Variants in PDE12 observed in about 807,000 individuals in gnomAD.
PDE12 encodes phosphodiesterase 12.
PDE12 carries 26 observed loss-of-function variants against 45.4 expected under a neutral mutation model. The ratio of observed to expected loss-of-function variants is 0.57; its 90% CI spans 0.42 to 0.79. The LOEUF (loss-of-function observed/expected upper bound fraction) is 0.79, where lower values mean the gene tolerates loss of function less well. PDE12 is among the 30% of genes least tolerant of loss of function. The probability of loss-of-function intolerance (pLI) is 0.00; values close to 1 mark genes in which losing one functional copy is unlikely to be tolerated. For synonymous variants in PDE12, 283 were observed against 323.9 expected (o/e 0.87, Z 1.36); for missense variants, 668 against 790.0 (o/e 0.85, Z 1.85).
In PDE12 at chr3:57,560,081, T is replaced by C. The variant is rs2069711575; in HGVS notation, c.*77T>C. 1.3e-6 allele frequency: 2 copies of C among 1,509,728 alleles called. No homozygotes were observed. Among genetic ancestry groups the C allele is most frequent in the Admixed American group, 4.4e-5 (2 of 45,434 alleles). 93.5% of individuals were successfully genotyped at this position (1,509,728 alleles called of 1,614,324 possible). On this transcript the variant is annotated 3_prime_UTR_variant, in exon 3 of 3. Transcript: ENST00000311180. ...AAAATTTAATATGAATCAAAGCTTA[T>C]ATGTAAACTTCAAGGAGGAATGGTA... is the stretch of plus-strand genomic sequence containing the variant.
At chr3:57,608,743 C>A in the PDE12 span, among the ~76,000 whole-genome samples, 2 of 152,060 alleles carry the variant, frequency 1.3e-5, no homozygotes, top group African/African-American at 4.8e-5. Flanking sequence ...TAAAGCAAGT[C>A]CTTAGAGACC....
chr3:57,584,058 A>C, the PDE12 span: 1 of 1,252,374 alleles, frequency 8.0e-7, no homozygotes, highest in Non-Finnish European at 1.1e-6. Context: ...AAGAAAATAA[A>C]ACCTTTTATT....
the PDE12 span, among the ~76,000 whole-genome samples, chr3:57,578,500 T>C: frequency 4.2e-5 from 6 of 141,512 alleles, no homozygotes; most frequent in Non-Finnish European, 9.6e-5. Context: ...GCTTCTTTTC[T>C]CAGACAGGGT....
the PDE12 span, among the ~76,000 whole-genome samples, chr3:57,586,857 G>T: frequency 6.6e-6 from 1 of 152,114 alleles, no homozygotes; most frequent in East Asian, 1.9e-4. Context: ...GAAAGCATCA[G>T]ATTTTTAAGT....
At chr3:57,612,732 C>T in the PDE12 span, among the ~76,000 whole-genome samples, 3 of 146,506 alleles carry the variant, frequency 2.0e-5, no homozygotes, top group East Asian at 4.1e-4. Context: ...TATTATGCCA[C>T]TGCACTTCAG....
At chr3:57,584,163 A>G in the PDE12 span, 8 of 699,066 alleles carry the variant, frequency 1.1e-5, no homozygotes, top group East Asian at 1.9e-4. Flanking sequence ...AGGCCTCATT[A>G]TGTTATGCAG....
chr3:57,606,907 C>T, the PDE12 span, among the ~76,000 whole-genome samples: 1 of 152,212 alleles, frequency 6.6e-6, no homozygotes, highest in Non-Finnish European at 1.5e-5. Context: ...AGTGGTTCTC[C>T]CAGCATGGAG....
chr3:57,630,504 T>G, the PDE12 span: 1 of 1,589,356 alleles, frequency 6.3e-7, no homozygotes, highest in South Asian at 1.2e-5. Context: ...CCATCAAAAT[T>G]TGGAGACTTT....
At chr3:57,645,486 C>T in the PDE12 span, among the ~76,000 whole-genome samples, 2 of 152,072 alleles carry the variant, frequency 1.3e-5, no homozygotes, top group East Asian at 3.9e-4. Context: ...AAAATAAATA[C>T]ATAAAATCGC....
the PDE12 span, among the ~76,000 whole-genome samples, chr3:57,603,620 A>AATT: frequency 6.8e-6 from 1 of 147,696 alleles, no homozygotes; most frequent in Non-Finnish European, 1.5e-5. Flanking sequence ...GCCGGCCAGA[A>AATT]ATTTTTTTTT....
the PDE12 span, among the ~76,000 whole-genome samples, chr3:57,573,201 C>CAAAAA: frequency 8.0e-6 from 1 of 125,768 alleles, no homozygotes. Flanking sequence ...GACTCCATCT[C>CAAAAA]AAAAAAAAAA....
At chr3:57,567,941 G>A (rs1182738485), downstream of PDE12, among the ~76,000 whole-genome samples, 1 of 151,722 alleles carries the variant, frequency 6.6e-6, no homozygotes, top group Non-Finnish European at 1.5e-5. Context: ...GGTGGTGTGT[G>A]CCTGTAATCC....
the PDE12 span, among the ~76,000 whole-genome samples, chr3:57,641,053 G>A: frequency 6.6e-6 from 1 of 151,052 alleles, no homozygotes; most frequent in Non-Finnish European, 1.5e-5. Flanking sequence ...GTGATAAGTT[G>A]GGAATAATTC....
the PDE12 span, chr3:57,633,423 T>A: frequency 1.6e-6 from 2 of 1,245,740 alleles, no homozygotes; most frequent in East Asian, 4.7e-5. Context: ...AACTATCAGA[T>A]TCAATTGCTA....
At chr3:57,654,744 C>T in the PDE12 span, 77 of 985,108 alleles carry the variant, frequency 7.8e-5, 1 homozygote, top group Non-Finnish European at 9.2e-5. Flanking sequence ...GTGAAAGGAG[C>T]GCCTACACTC....
chr3:57,557,277 T>C lies in PDE12; in HGVS notation c.898T>C (p.Tyr300His). 6.2e-7 allele frequency: 1 copy of C among 1,613,880 alleles called. No homozygotes were observed. Among genetic ancestry groups the C allele is most frequent in the Non-Finnish European group, 8.5e-7 (1 of 1,179,988 alleles). ...TEDALIRTVS[Y>H]NILADTYAQT... ...GGACGCTCTCATCCGCACTGTCTCT[T>C]ACAACATCCTGGCAGACACGTACGC... The change falls in exon 1 of 3, where the codon TAC becomes CAC. Residue 300 changes from tyrosine (Y) to histidine (H), a missense_variant. Physicochemically the swap from Tyr to His is moderately conservative, Grantham distance 83. Coordinates refer to ENST00000311180, the MANE Select transcript of PDE12 (RefSeq NM_177966.7).
rs150176548 is a variant in PDE12, at chr3:57,557,016, C to G, written c.637C>G (p.Pro213Ala). ...PGAAEPEVGVPSSLSPSSPSS... is the reference protein window; with the variant it reads ...PGAAEPEVGVASSLSPSSPSS... ...AGCGGCGGAGCCCGAGGTCGGTGTC[C>G]CCTCGTCATTGTCTCCCTCCTCACC... is the stretch of plus-strand genomic sequence containing the variant. Residue 213 changes from proline (P) to alanine (A), a missense_variant, in exon 1 of 3, where the codon CCC (proline) becomes GCC (alanine). Physicochemically the swap from Pro to Ala is conservative, Grantham distance 27. Coordinates refer to ENST00000311180, the MANE Select transcript of PDE12 (RefSeq NM_177966.7). 3.1e-6 allele frequency: 5 copies of G among 1,613,986 alleles called. No homozygotes were observed. The African/African-American group carries it at 4.0e-5, about 13-fold the overall frequency.
At chr3:57,572,192 G>C in the PDE12 span, 7 of 1,591,610 alleles carry the variant, frequency 4.4e-6, no homozygotes, top group Non-Finnish European at 6.0e-6. Flanking sequence ...ACATGTCCTT[G>C]GTTAGATATC....
At chr3:57,597,035 C>G in the PDE12 span, 1 of 1,606,788 alleles carries the variant, frequency 6.2e-7, no homozygotes, top group African/African-American at 1.3e-5. Context: ...GAGACCCTGC[C>G]TTTCCCAGGT....
Sources: allele counts gnomAD v4.1 joint callset (sites outside exome capture counted in the v4.1 genomes callset), GRCh38; gene constraint gnomAD v4.1.1; transcripts MANE v1.5; gene names NCBI Gene and HGNC (gene_info 2026-07-23, HGNC 2026-07-21).